AXDND1: variants seen among roughly 807,000 people sequenced by gnomAD.
AXDND1 encodes the protein axonemal dynein light chain domain-containing protein 1.
AXDND1 carries 110 observed loss-of-function variants against 137.5 expected under a neutral mutation model. That is an observed-to-expected ratio of 0.80 (90% CI 0.69 to 0.94). AXDND1 has a LOEUF of 0.94. Among genes scored for constraint, AXDND1 ranks in the 40% least tolerant of loss-of-function variants. The probability of loss-of-function intolerance (pLI) is 0.00; values close to 1 mark genes in which losing one functional copy is unlikely to be tolerated. For synonymous variants in AXDND1, 414 were observed against 399.7 expected (o/e 1.04, Z -0.43); for missense variants, 1,191 against 1,169.8 (o/e 1.02, Z -0.26).
chr1:179,499,227 C>A (rs184971579), intron 20 of AXDND1, among the ~76,000 whole-genome samples: 1 of 152,070 alleles, frequency 6.6e-6, no homozygotes, highest in East Asian at 1.9e-4. Flanking sequence ...AAACAAAATG[C>A]AGTATATTTA....
At chr1:179,489,814 C>T (rs1339850985) in intron 18 of AXDND1, among the ~76,000 whole-genome samples, 1 of 145,550 alleles carries the variant, frequency 6.9e-6, no homozygotes, top group Non-Finnish European at 1.5e-5. Flanking sequence ...GGAACCGTCT[C>T]GGCTCACTGC....
At chr1:179,408,867 C>T (rs113897166) in intron 11 of AXDND1, among the ~76,000 whole-genome samples, 2,662 of 151,758 alleles carry the variant, frequency 0.018, 64 homozygotes, top group African/African-American at 0.059. Flanking sequence ...TTTTTTTTCC[C>T]CTAAATGTGG....
At chr1:179,474,449 T>G (rs1168923606) in intron 17 of AXDND1, among the ~76,000 whole-genome samples, 3 of 152,222 alleles carry the variant, frequency 2.0e-5, no homozygotes, top group Non-Finnish European at 4.4e-5. Flanking sequence ...TGTTGAATGG[T>G]TTTGACCAAA....
chr1:179,449,138 A>G (rs1416553706), intron 16 of AXDND1: 1 of 454,252 alleles, frequency 2.2e-6, no homozygotes, highest in East Asian at 7.1e-5. Flanking sequence ...ATCCCACTTC[A>G]GCCCCCCAAA....
chr1:179,388,751 C>G (rs1482969391), intron 9 of AXDND1, among the ~76,000 whole-genome samples: 1 of 119,992 alleles, frequency 8.3e-6, no homozygotes, highest in Non-Finnish European at 1.8e-5. Flanking sequence ...CCATGCCTGG[C>G]TATTTTTTTT....
intron 12 of AXDND1, among the ~76,000 whole-genome samples, chr1:179,428,944 C>T (rs758797309): frequency 3.8e-4 from 58 of 151,980 alleles, no homozygotes; most frequent in Admixed American, 3.0e-3. Flanking sequence ...TTTGGGAGGC[C>T]GAGGCAGGCA....
chr1:179,406,285 CT>C lies in AXDND1; in HGVS notation c.1110-4859del, dbSNP rs549547324. Among the ~76,000 whole-genome samples the C allele has an allele frequency of 1.4e-3, 207 of 152,206 alleles. 2 individuals carry two copies. Among genetic ancestry groups the C allele is most frequent in the African/African-American group, 4.8e-3 (200 of 41,538 alleles). ...TATTTTGTGGCCTAATATATGGTCA[CT>C]TGTGGAGAATGTTCCATGTGCTGAT... On this transcript the variant is annotated intron_variant, in intron 11 of 25. Transcript: ENST00000367618.
chr1:179,466,805 A>T (rs114321950), intron 16 of AXDND1, among the ~76,000 whole-genome samples: 1 of 152,166 alleles, frequency 6.6e-6, no homozygotes, highest in African/African-American at 2.4e-5. Flanking sequence ...GGATGATACT[A>T]TATTACATAA....
At chr1:179,384,709 A>G (rs529389893) in intron 8 of AXDND1, among the ~76,000 whole-genome samples, 8 of 152,004 alleles carry the variant, frequency 5.3e-5, no homozygotes, top group Non-Finnish European at 8.8e-5. Context: ...TATTTTTGGC[A>G]GCTATAACAT....
intron 3 of AXDND1, 66 bp from the exon 4 acceptor site, chr1:179,369,909 A>G: frequency 1.6e-6 from 2 of 1,262,012 alleles, no homozygotes; most frequent in South Asian, 1.3e-5. Flanking sequence ...ACTCAAAACT[A>G]TTAATACATT....
chr1:179,404,183 G>T (rs564883277), intron 11 of AXDND1, among the ~76,000 whole-genome samples: 12 of 150,228 alleles, frequency 8.0e-5, no homozygotes, highest in East Asian at 3.9e-4. Context: ...TTCATTTTTT[G>T]ATATTTCTAG....
At chr1:179,469,836 A>T (rs1035138891) in intron 17 of AXDND1, among the ~76,000 whole-genome samples, 7 of 151,942 alleles carry the variant, frequency 4.6e-5, no homozygotes, top group Admixed American at 6.6e-5. Flanking sequence ...TTTGAGGGAA[A>T]TTTTTTCTGT....
At chr1:179,374,320 AAAC>A in intron 4 of AXDND1, among the ~76,000 whole-genome samples, 2 of 152,294 alleles carry the variant, frequency 1.3e-5, no homozygotes, top group East Asian at 3.9e-4. Context: ...AAAAGTCAGG[AAAC>A]AACAGGTGCT....
rs1376068785 is a variant in AXDND1 at position 179,382,693 on chromosome 1, A to G, written c.582-7A>G. 6.3e-7 allele frequency: 1 copy of G among 1,594,730 alleles called. No individual in the cohort carries two copies. The highest frequency in any genetic ancestry group is 1.7e-5 in the Admixed American group (1 of 59,690). Reference sequence around the variant, plus strand: ...AAAATAACATTTACCTATCTTATTTATTGTAGCAAATACACTACTCTCCTC... The same window carrying G: ...AAAATAACATTTACCTATCTTATTTGTTGTAGCAAATACACTACTCTCCTC... On this transcript the variant is annotated splice_region_variant and splice_polypyrimidine_tract_variant and intron_variant, in intron 6 of 25. Coordinates refer to ENST00000367618, the MANE Select transcript of AXDND1 (RefSeq NM_144696.6).
At chr1:179,453,576 G>A (rs55774592) in intron 16 of AXDND1, 16,055 of 152,292 alleles carry the variant, frequency 0.11, 958 homozygotes, top group African/African-American at 0.13. Flanking sequence ...TGAGGCAGGC[G>A]GATCACCTGA....
chr1:179,472,383 A>T (rs1373503515), intron 17 of AXDND1, among the ~76,000 whole-genome samples: 1 of 152,186 alleles, frequency 6.6e-6, no homozygotes, highest in Non-Finnish European at 1.5e-5. Context: ...TTATTCTAGC[A>T]TTAAAATTAT....
At chr1:179,386,965 T>C (rs12753162) in intron 9 of AXDND1, among the ~76,000 whole-genome samples, 44,213 of 151,812 alleles carry the variant, frequency 0.29, 6,645 homozygotes, top group Non-Finnish European at 0.31. Flanking sequence ...ATCTCAGACA[T>C]TTTTGCTTTC....
chr1:179,422,833 G>A (rs112833051), intron 12 of AXDND1, among the ~76,000 whole-genome samples: 2,673 of 151,988 alleles, frequency 0.018, 64 homozygotes, highest in African/African-American at 0.059. Flanking sequence ...GTGCAGTCTC[G>A]GCTCACTGCA....
intron 17 of AXDND1, among the ~76,000 whole-genome samples, chr1:179,469,748 A>G (rs988608): frequency 0.17 from 25,544 of 152,072 alleles, 2,498 homozygotes; most frequent in East Asian, 0.35. Context: ...ATTTTATTGT[A>G]GTTTTGATTC....
Sources: allele counts gnomAD v4.1 joint callset (sites outside exome capture counted in the v4.1 genomes callset), GRCh38; gene constraint gnomAD v4.1.1; transcripts MANE v1.5; gene names NCBI Gene and HGNC (gene_info 2026-07-23, HGNC 2026-07-21).